DMXL1: variants seen among roughly 807,000 people sequenced by gnomAD.
The protein encoded by DMXL1 is Dmx like 1.
DMXL1 carries 99 observed loss-of-function variants against 319.2 expected under a neutral mutation model. The ratio of observed to expected loss-of-function variants is 0.31; its 90% confidence interval spans 0.26 to 0.37. DMXL1 has a LOEUF of 0.37. DMXL1 is among the 10% of genes least tolerant of loss of function. DMXL1 has a pLI of 1.00. For synonymous variants in DMXL1, 1,385 were observed against 1,235.2 expected (o/e 1.12, Z -2.54); for missense variants, 3,745 against 3,595.6 (o/e 1.04, Z -1.06).
At position 119,071,599 on chromosome 5, in the gene DMXL1, T is replaced by C; in HGVS notation, c.30T>C (p.Ala10=). ...ACCTGCACCAGGTGCTGACCGGGGC[T>C]GTGAACCCTGGCGACCACTGCTTCT... MNLHQVLTG[A]VNPGDHCFSV... Residue 10 remains alanine (A), a synonymous_variant, in exon 1 of 44, where the codon GCT becomes GCC. Transcript: ENST00000539542. The C allele has an allele frequency of 1.2e-6, 2 of 1,605,368 alleles. No individual in the cohort carries two copies. The highest frequency in any genetic ancestry group is 1.1e-5 in the South Asian group (1 of 89,058).
rs1387178356 is a variant in DMXL1 at position 119,167,873 on chromosome 5, C to T, written c.5398+9C>T. The stretch of plus-strand genomic sequence containing the variant: ...TATCAGAGAGAATGATGGTAAGCTG[C>T]ACTTCTAAGATGTTAATGATTAAGA... On this transcript the variant is annotated intron_variant, in intron 23 of 43. Transcript: ENST00000539542. The T allele has an allele frequency of 1.2e-6, 2 of 1,608,316 alleles. No homozygotes were observed. Among genetic ancestry groups the T allele is most frequent in the Non-Finnish European group, 1.7e-6 (2 of 1,178,192 alleles).
At chr5:119,120,119 G>A (rs931350659) in intron 8 of DMXL1, among the ~76,000 whole-genome samples, 7 of 152,204 alleles carry the variant, frequency 4.6e-5, no homozygotes, top group African/African-American at 7.2e-5. Context: ...GGTTGGTCTC[G>A]AACTCCTGGC....
intron 32 of DMXL1, among the ~76,000 whole-genome samples, chr5:119,200,538 C>T (rs6860432): frequency 0.83 from 126,635 of 152,170 alleles, 52,923 homozygotes; most frequent in East Asian, 0.99. Flanking sequence ...TGCTTAGGAT[C>T]GCCTTGCTAT....
intron 42 of DMXL1, 67 bp from the exon 43 acceptor site, chr5:119,244,292 G>C (rs1169599014): frequency 7.6e-7 from 1 of 1,309,482 alleles, no homozygotes; most frequent in Non-Finnish European, 1.0e-6. Flanking sequence ...TTTCACTTTA[G>C]CCAAAAGCCA....
chr5:119,083,299 A>G lies in DMXL1; in HGVS notation c.87+11643A>G, dbSNP rs531504594. Among the ~76,000 whole-genome samples, 15 of 151,988 alleles carry G rather than the reference A, an allele frequency of 9.9e-5. No homozygotes were observed. In the South Asian group the frequency reaches 3.1e-3, roughly 32 times the overall value. On this transcript the variant is annotated intron_variant, in intron 1 of 43. Coordinates refer to ENST00000539542, the MANE Select transcript of DMXL1 (RefSeq NM_001290321.3). The stretch of plus-strand genomic sequence containing the variant: ...CCTTGACTTCCCAAAGTGTAGTTCC[A>G]TCCTTGTTGCTGCAAATGGCAGGAT...
At chr5:119,173,077 G>A (rs945347814) in intron 25 of DMXL1, among the ~76,000 whole-genome samples, 1 of 152,044 alleles carries the variant, frequency 6.6e-6, no homozygotes, top group African/African-American at 2.4e-5. Context: ...GGTGGTTCAC[G>A]CCTCTAATCC....
In DMXL1 at chr5:119,121,074, A is replaced by G. The variant is rs1407534525; in HGVS notation, c.1037A>G (p.Asn346Ser). The G allele has an allele frequency of 3.1e-6, 5 of 1,613,424 alleles. No homozygotes were observed. Among genetic ancestry groups the G allele is most frequent in the African/African-American group, 2.7e-5 (2 of 74,916 alleles). ...CAGGATCCTCATCATGTTCACAGGA[A>G]CACTCCACTGCATGCCAATGCACTT... is the stretch of plus-strand genomic sequence containing the variant. ...HQQDPHHVHR[N>S]TPLHANALCH... Residue 346 changes from asparagine to serine, a missense_variant, in exon 9 of 44, where the codon AAC (asparagine) becomes AGC (serine). Transcript: ENST00000539542.
chr5:119,242,335 A>G (rs550492203), intron 42 of DMXL1, among the ~76,000 whole-genome samples: 2 of 152,356 alleles, frequency 1.3e-5, no homozygotes, highest in African/African-American at 2.4e-5. Context: ...ACAATGAACA[A>G]TTGCAATTTG....
intron 1 of DMXL1, among the ~76,000 whole-genome samples, chr5:119,093,557 G>C (rs1755274658): frequency 1.3e-5 from 2 of 152,182 alleles, no homozygotes; most frequent in Admixed American, 6.5e-5. Context: ...CAATGATATA[G>C]AAATTATGAA....
Position 119,219,163 on chromosome 5 carries a change from G to C in DMXL1, c.8014-1309G>C, listed in dbSNP as rs116245021. 5.4e-3 allele frequency among the ~76,000 whole-genome samples: 816 copies of C among 152,250 alleles called. 3 individuals are homozygous for C. Among genetic ancestry groups the C allele is most frequent in the African/African-American group, 0.019 (787 of 41,536 alleles). The stretch of plus-strand genomic sequence containing the variant: ...AGCCACAATTTCCAGAGAATGACGG[G>C]AAGAGGGCCAGATGATACCTACCTT... On this transcript the variant is annotated intron_variant, in intron 35 of 43. Transcript: ENST00000539542.
rs146210154 is a variant in DMXL1 at position 119,083,692 on chromosome 5, C to T, written c.87+12036C>T. Among the ~76,000 whole-genome samples the T allele has an allele frequency of 4.3e-3, 654 of 152,020 alleles. 6 individuals are homozygous for T. Among genetic ancestry groups the T allele is most frequent in the African/African-American group, 0.015 (641 of 41,434 alleles). On this transcript the variant is annotated intron_variant, in intron 1 of 43. Coordinates refer to ENST00000539542, the MANE Select transcript of DMXL1 (RefSeq NM_001290321.3). ...AGTAGCTGGGATTACAGGTGTGTGC[C>T]ACCACGCCTGGCTAATTTTTGTGTT...
At chr5:119,193,437 T>A (rs1315638136) in intron 29 of DMXL1, among the ~76,000 whole-genome samples, 1 of 152,212 alleles carries the variant, frequency 6.6e-6, no homozygotes, top group East Asian at 1.9e-4. Flanking sequence ...AGGCCTTCCA[T>A]GGTCAGCTTA....
intron 39 of DMXL1, among the ~76,000 whole-genome samples, chr5:119,235,168 T>C (rs963634223): frequency 6.6e-6 from 1 of 152,084 alleles, no homozygotes; most frequent in Non-Finnish European, 1.5e-5. Context: ...TATTCAATTA[T>C]GAATAGAAAT....
At chr5:119,090,210 A>C (rs1170409873) in intron 1 of DMXL1, among the ~76,000 whole-genome samples, 1 of 149,428 alleles carries the variant, frequency 6.7e-6, no homozygotes, top group Admixed American at 6.7e-5. Flanking sequence ...TAGTAGAGAC[A>C]GGGTTTCACC....
chr5:119,124,443 G>A (rs903479057), intron 9 of DMXL1, among the ~76,000 whole-genome samples: 3 of 151,940 alleles, frequency 2.0e-5, no homozygotes, highest in Non-Finnish European at 4.4e-5. Flanking sequence ...TAACAAATAA[G>A]CAGTCCATCT....
intron 13 of DMXL1, among the ~76,000 whole-genome samples, chr5:119,141,181 C>A (rs1354826005): frequency 1.3e-5 from 2 of 152,092 alleles, no homozygotes; most frequent in Non-Finnish European, 2.9e-5. Flanking sequence ...AGCATTCCCC[C>A]TGAAAACTGA....
rs200689008 is a variant in DMXL1 at position 119,178,213 on chromosome 5, C to A, written c.7104C>A (p.Ser2368Arg). 6.2e-7 allele frequency: 1 copy of A among 1,613,548 alleles called. No individual in the cohort carries two copies. Among genetic ancestry groups the A allele is most frequent in the Non-Finnish European group, 8.5e-7 (1 of 1,179,728 alleles). The change falls in exon 28 of 44, where the codon AGC becomes AGA. Residue 2368 changes from serine to arginine, a missense_variant. Physicochemically the swap from Ser to Arg is moderately radical, Grantham distance 110. Coordinates refer to ENST00000539542, the MANE Select transcript of DMXL1 (RefSeq NM_001290321.3). Reference sequence around the variant, plus strand: ...TTGGTGGAGGTGCACATGTTCCTAGCAAAGAACAGACACATTCAAAAACTT... The same window carrying A: ...TTGGTGGAGGTGCACATGTTCCTAGAAAAGAACAGACACATTCAAAAACTT... ...AVFGGGAHVP[S>R]KEQTHSKTLP...
At chr5:119,156,468 A>G (rs796965665) in intron 19 of DMXL1, among the ~76,000 whole-genome samples, 18 of 152,284 alleles carry the variant, frequency 1.2e-4, no homozygotes, top group African/African-American at 4.1e-4. Context: ...GTCTGCCTAT[A>G]TATACGATAT....
At chr5:119,123,650 A>G (rs868168763) in intron 9 of DMXL1, among the ~76,000 whole-genome samples, 7 of 151,776 alleles carry the variant, frequency 4.6e-5, no homozygotes, top group Middle Eastern at 3.4e-3. Flanking sequence ...CAGATATAGT[A>G]TTGTATTTTT....
Sources: allele counts gnomAD v4.1 joint callset (sites outside exome capture counted in the v4.1 genomes callset), GRCh38; gene constraint gnomAD v4.1.1; transcripts MANE v1.5; gene names NCBI Gene and HGNC (gene_info 2026-07-23, HGNC 2026-07-21).